RIN3: variants seen among roughly 807,000 people sequenced by gnomAD.
The protein encoded by RIN3 is Ras and Rab interactor 3.
In RIN3, 54 loss-of-function variants were observed where a neutral mutation model predicts 76.3. That is an observed-to-expected ratio of 0.71 (90% CI 0.57 to 0.89). RIN3 has a LOEUF of 0.89. Ranked by LOEUF, RIN3 falls within the 40% of genes least tolerant of loss-of-function variation. The pLI is 0.00. For missense variants in RIN3, 1,256 were observed against 1,322.1 expected (o/e 0.95, Z 0.78); for synonymous variants, 576 against 564.0 (o/e 1.02, Z -0.30).
intron 6 of RIN3, among the ~76,000 whole-genome samples, chr14:92,657,431 G>A (rs1021129058): frequency 6.6e-6 from 1 of 152,030 alleles, no homozygotes; most frequent in African/African-American, 2.4e-5. Context: ...TGATTAGGGA[G>A]ACAAGTCACA....
At chr14:92,622,301 C>T (rs1247618358) in intron 4 of RIN3, among the ~76,000 whole-genome samples, 2 of 152,142 alleles carry the variant, frequency 1.3e-5, no homozygotes, top group East Asian at 3.9e-4. Flanking sequence ...ATGTCTCTGA[C>T]CTTAGGTGGG....
At chr14:92,540,988 T>C (rs1897120116) in intron 1 of RIN3, among the ~76,000 whole-genome samples, 1 of 152,216 alleles carries the variant, frequency 6.6e-6, no homozygotes, top group Admixed American at 6.5e-5. Flanking sequence ...CATAACAGTC[T>C]AGGCAGCTGC....
At chr14:92,594,141 C>T (rs1885076538) in intron 3 of RIN3, among the ~76,000 whole-genome samples, 1 of 152,004 alleles carries the variant, frequency 6.6e-6, no homozygotes, top group Non-Finnish European at 1.5e-5. Context: ...ATTTAAAAGG[C>T]TTGCAATCAG....
intron 3 of RIN3, among the ~76,000 whole-genome samples, chr14:92,591,318 C>T (rs980818226): frequency 3.9e-5 from 6 of 152,026 alleles, no homozygotes; most frequent in Admixed American, 3.9e-4. Context: ...TGAACAAAAA[C>T]ACAGAACGGA....
chr14:92,611,584 C>T (rs979657589), intron 3 of RIN3, among the ~76,000 whole-genome samples: 1 of 152,140 alleles, frequency 6.6e-6, no homozygotes, highest in Non-Finnish European at 1.5e-5. Context: ...GGACACCAAC[C>T]GTTGGATTTA....
chr14:92,673,253 C>T (rs1888348126), intron 7 of RIN3, among the ~76,000 whole-genome samples: 1 of 152,180 alleles, frequency 6.6e-6, no homozygotes, highest in South Asian at 2.1e-4. Context: ...GGTGTGCATG[C>T]ACCACATTTT....
intron 5 of RIN3, 143 bp downstream of exon 5, chr14:92,641,472 GA>G (rs1427933349): frequency 2.5e-5 from 16 of 638,608 alleles, no homozygotes; most frequent in Admixed American, 1.9e-4. Flanking sequence ...TCAGGCTGCT[GA>G]GCCACGTGAT....
chr14:92,673,098 C>G (rs1006446130), intron 7 of RIN3, among the ~76,000 whole-genome samples: 1 of 151,428 alleles, frequency 6.6e-6, no homozygotes, highest in Non-Finnish European at 1.5e-5. Flanking sequence ...CTGGGCAACA[C>G]GGCAAAACCC....
At chr14:92,626,021 A>G (rs1398192112) in intron 4 of RIN3, among the ~76,000 whole-genome samples, 1 of 152,128 alleles carries the variant, frequency 6.6e-6, no homozygotes, top group African/African-American at 2.4e-5. Context: ...CCAAATCTGC[A>G]TATTTCCTTA....
chr14:92,523,786 TC>T (rs1446328386), intron 1 of RIN3, among the ~76,000 whole-genome samples: 2 of 152,214 alleles, frequency 1.3e-5, no homozygotes, highest in Non-Finnish European at 2.9e-5. Context: ...CCATGCCTCT[TC>T]CCCCAGCCTC....
rs754155559 is a variant in RIN3 at position 92,687,916 on chromosome 14, G to C, written c.2632-10G>C. The C allele has an allele frequency of 1.3e-6, 2 of 1,534,022 alleles. No homozygotes were observed. Among genetic ancestry groups the C allele is most frequent in the South Asian group, 2.4e-5 (2 of 82,558 alleles). On this transcript the variant is annotated splice_polypyrimidine_tract_variant and intron_variant, in intron 9 of 9. Transcript: ENST00000216487. Reference sequence around the variant, plus strand: ...CCCGCCGTGACCACAGGCCCCTCGCGTCTCCGCAGGACTTCATCTGCGTGT... The same window carrying C: ...CCCGCCGTGACCACAGGCCCCTCGCCTCTCCGCAGGACTTCATCTGCGTGT...
chr14:92,661,758 C>CACACAA (rs373869994), intron 7 of RIN3, among the ~76,000 whole-genome samples: 7,103 of 133,180 alleles, frequency 0.053, 306 homozygotes, highest in East Asian at 0.19. Flanking sequence ...CACACACACA[C>CACACAA]AAAAAATAGA....
In RIN3 at chr14:92,656,886, C is replaced by G. The variant is rs1245589045; in HGVS notation, c.2027-2275C>G. 6.6e-6 allele frequency among the ~76,000 whole-genome samples: 1 copy of G among 152,210 alleles called. No homozygotes were observed. Among genetic ancestry groups the G allele is most frequent in the Non-Finnish European group, 1.5e-5 (1 of 68,022 alleles). On this transcript the variant is annotated intron_variant, in intron 6 of 9. Coordinates refer to ENST00000216487, the MANE Select transcript of RIN3 (RefSeq NM_024832.5). This position sits in a 1 kb window ranked among gnomAD's most constrained non-coding sequence, Gnocchi z 5.2. ...CTTGGCTATTGTCATGCCCAAGAAG[C>G]CACAGCTCAGAGAGGTTTGGTGACC...
intron 4 of RIN3, among the ~76,000 whole-genome samples, chr14:92,635,710 G>A (rs993502885): frequency 5.9e-5 from 9 of 151,974 alleles, no homozygotes; most frequent in African/African-American, 1.9e-4. Context: ...AAAATCAGCT[G>A]GGCATGGTGG....
intron 1 of RIN3, among the ~76,000 whole-genome samples, chr14:92,555,217 C>T (rs1178909237): frequency 1.3e-5 from 2 of 152,236 alleles, no homozygotes; most frequent in Non-Finnish European, 2.9e-5. Flanking sequence ...CTTCAAGGCT[C>T]TGCTCAAATG....
intron 7 of RIN3, among the ~76,000 whole-genome samples, chr14:92,662,711 G>A (rs1305045397): frequency 6.6e-6 from 1 of 152,176 alleles, no homozygotes; most frequent in Non-Finnish European, 1.5e-5. Context: ...ACATGATGAG[G>A]GAGACAGCTT....
chr14:92,547,735 G>T (rs145024011), intron 1 of RIN3, among the ~76,000 whole-genome samples: 9 of 151,664 alleles, frequency 5.9e-5, no homozygotes, highest in African/African-American at 2.4e-5. Flanking sequence ...ACAGAGTCTC[G>T]CTGTGTCACC....
intron 3 of RIN3, among the ~76,000 whole-genome samples, chr14:92,596,743 G>A (rs1035863458): frequency 6.6e-6 from 1 of 152,196 alleles, no homozygotes; most frequent in Admixed American, 6.5e-5. Context: ...CAGAAAGGGG[G>A]CAGGCTGGGA....
chr14:92,598,721 G>A (rs1294743522), intron 3 of RIN3, among the ~76,000 whole-genome samples: 2 of 152,172 alleles, frequency 1.3e-5, no homozygotes, highest in African/African-American at 4.8e-5. Flanking sequence ...GGAGACTTCT[G>A]TTTACTTTGG....
Sources: gnomAD v4.1 joint callset for allele counts (sites outside exome capture counted in the v4.1 genomes callset) on GRCh38, gnomAD v4.1.1 for gene constraint, Gnocchi (gnomAD v3.1) non-coding constraint, MANE v1.5 for transcripts, NCBI Gene and HGNC (gene_info 2026-07-23, HGNC 2026-07-21) for gene names.